The following TBC1D16 variants were observed in gnomAD, a reference collection of about 807,000 sequenced individuals.
TBC1D16 encodes the protein TBC1 domain family member 16.
A neutral mutation model predicts 74.7 loss-of-function variants in TBC1D16; 58 were observed. The ratio of observed to expected loss-of-function variants is 0.78; its 90% CI spans 0.63 to 0.97. The LOEUF is 0.97. Among genes scored for constraint, TBC1D16 ranks in the 50% least tolerant of loss-of-function variants. The pLI is 0.00. For synonymous variants in TBC1D16, 493 were observed against 474.7 expected, an observed-to-expected ratio of 1.04 and a Z score of -0.50; for missense variants, 1,014 against 1,079.5, an observed-to-expected ratio of 0.94 and a Z score of 0.85.
intron 3 of TBC1D16, among the ~76,000 whole-genome samples, chr17:80,003,843 A>C (rs1568627655): frequency 6.6e-6 from 1 of 152,162 alleles, no homozygotes. Context: ...TGAGCCTAGG[A>C]GTTTGAGACC....
rs9907717 is a variant in TBC1D16 at position 80,031,437 on chromosome 17, C to T, written c.-63+4358G>A. 6.2e-4 allele frequency among the ~76,000 whole-genome samples: 95 copies of T among 152,274 alleles called. 1 individual carries two copies. The highest frequency in any genetic ancestry group is 2.2e-3 in the African/African-American group (91 of 41,552). On this transcript the variant is annotated intron_variant, in intron 1 of 11. Transcript: ENST00000310924. ...AAACTAGGGCTTAGGGCATTCACTG[C>T]AGTGCTGGGATCTTGGACCATAGGG... is the stretch of plus-strand genomic sequence containing the variant.
Position 80,001,865 on chromosome 17 carries a change from C to T in TBC1D16, c.779+8295G>A, listed in dbSNP as rs2144600240. On this transcript the variant is annotated intron_variant, in intron 3 of 11. Transcript: ENST00000310924. This position sits in a 1 kb window ranked among gnomAD's most constrained non-coding sequence, Gnocchi z 5.8. ...CCCTCCACCCCCCGCCTCCTGCTCC[C>T]TTCCTCATCCCCTGCTTTGTGTCCC... 6.6e-6 allele frequency among the ~76,000 whole-genome samples: 1 copy of T among 152,022 alleles called. No homozygotes were observed. The highest frequency in any genetic ancestry group is 6.5e-5 in the Admixed American group (1 of 15,272).
At chr17:80,011,255 C>T (rs1454430902) in intron 2 of TBC1D16, among the ~76,000 whole-genome samples, 6 of 151,034 alleles carry the variant, frequency 4.0e-5, no homozygotes, top group Non-Finnish European at 8.8e-5. Context: ...CTATGTTGCC[C>T]AGGCTAGTCT....
chr17:80,029,429 C>T (rs1030584332), intron 1 of TBC1D16, among the ~76,000 whole-genome samples: 3 of 151,990 alleles, frequency 2.0e-5, no homozygotes, highest in South Asian at 2.1e-4. Flanking sequence ...GTTCCCTTCC[C>T]GTCCCCTAGG....
At chr17:79,974,455 C>G (rs1255993583) in intron 3 of TBC1D16, among the ~76,000 whole-genome samples, 1 of 152,100 alleles carries the variant, frequency 6.6e-6, no homozygotes, top group African/African-American at 2.4e-5. Flanking sequence ...CCAGGCTGGT[C>G]TCGAACTCCT....
In TBC1D16 at chr17:80,013,553, G is replaced by T; in HGVS notation, c.-6C>A. 1 of 1,494,062 alleles carries T rather than the reference G, an allele frequency of 6.7e-7. No homozygotes were observed. Among genetic ancestry groups the T allele is most frequent in the Non-Finnish European group, 8.9e-7 (1 of 1,119,768 alleles). The allele number at this position is 1,494,062 out of a possible 1,614,324, so 92.6% of individuals were successfully genotyped here. On this transcript the variant is annotated 5_prime_UTR_variant, in exon 2 of 12. Transcript: ENST00000310924. ...AGGAGGCGGCCCAGAGACATTGCCG[G>T]GCAAGTGTTTCCATCCTCCGCATGC... is the stretch of plus-strand genomic sequence containing the variant.
In TBC1D16 at chr17:79,987,098, C is replaced by T. The variant is rs1221305924; in HGVS notation, c.779+23062G>A. ...ACGGGCTGTGCCCAGTGTCGCTGCC[C>T]AAGGCAGAACTGGCTGCCCACCAGG... On this transcript the variant is annotated intron_variant, in intron 3 of 11. Transcript: ENST00000310924. The surrounding 1 kb of genome is among the most constrained non-coding windows in gnomAD (Gnocchi z 5.2). Among the ~76,000 whole-genome samples the T allele has an allele frequency of 6.6e-6, 1 of 152,156 alleles. No homozygotes were observed. The highest frequency in any genetic ancestry group is 1.5e-5 in the Non-Finnish European group (1 of 68,026).
rs968319769 is a variant in TBC1D16, at chr17:79,949,756, A to C, written c.1367T>G (p.Leu456Arg). The part of the protein sequence containing the change: ...STSEEREALR[L>R]QKRKEYSEIQ... ...CTCAGAGTACTCCTTTCGCTTCTGC[A>C]GCCGCAGCGCCTCCCGCTCCTCCGA... Residue 456 changes from leucine (L) to arginine (R), a missense_variant, in exon 7 of 12, where the codon CTG (leucine) becomes CGG (arginine). Leu to Arg is a moderately radical substitution (Grantham distance 102, BLOSUM62 -2). Coordinates refer to ENST00000310924, the MANE Select transcript of TBC1D16 (RefSeq NM_019020.4). The C allele has an allele frequency of 1.2e-6, 2 of 1,613,054 alleles. No homozygotes were observed. Among genetic ancestry groups the C allele is most frequent in the African/African-American group, 2.7e-5 (2 of 74,862 alleles).
rs1214429924 is a variant in TBC1D16, at chr17:79,985,238, C to G, written c.779+24922G>C. On this transcript the variant is annotated intron_variant, in intron 3 of 11. Coordinates refer to ENST00000310924, the MANE Select transcript of TBC1D16 (RefSeq NM_019020.4). The surrounding 1 kb of genome is among the most constrained non-coding windows in gnomAD (Gnocchi z 4.9). ...GCCCCTCCTGTGTCTGTGTGTCCGT[C>G]CGTGTCTTTTAAAGACATCCGTTGG... 6.6e-6 allele frequency among the ~76,000 whole-genome samples: 1 copy of G among 152,134 alleles called. No homozygotes were observed. Among genetic ancestry groups the G allele is most frequent in the Non-Finnish European group, 1.5e-5 (1 of 68,024 alleles).
chr17:80,002,758 G>A (rs1477829247), intron 3 of TBC1D16, among the ~76,000 whole-genome samples: 2 of 152,240 alleles, frequency 1.3e-5, no homozygotes, highest in African/African-American at 4.8e-5. Context: ...AAGTCCAGTT[G>A]CTTGGCCACA....
In TBC1D16 at chr17:79,968,838, G is replaced by A. The variant is rs552658553; in HGVS notation, c.780-16020C>T. Among the ~76,000 whole-genome samples, 44 of 71,302 alleles carry A rather than the reference G, an allele frequency of 6.2e-4. No homozygotes were observed. In the South Asian group the frequency reaches 8.7e-3, roughly 14 times the overall value. 46.8% of individuals were successfully genotyped at this position (71,302 alleles called of 152,430 possible). A position where few individuals can be genotyped will look rare whatever the true frequency, so the allele number is the denominator to read the frequency against. ...ACTGCACTCCACAGAGCCAGATGCC[G>A]TCTCAAAAAAAAAAAAAAAAAAAAA... On this transcript the variant is annotated intron_variant, in intron 3 of 11. Transcript: ENST00000310924.
chr17:79,937,263 TCA>T lies in TBC1D16; in HGVS notation c.*3594_*3595del, dbSNP rs1396420419. The stretch of plus-strand genomic sequence containing the variant: ...ACGAGGGGGCTCAGGGGGGCGGGCC[TCA>T]CAGGAACGGAAGCACCACCCCACCT... On this transcript the variant is annotated 3_prime_UTR_variant, in exon 12 of 12. Transcript: ENST00000310924. 1 of 75,338 alleles carries T rather than the reference TCA, an allele frequency of 1.3e-5. No individual in the cohort carries two copies. Among genetic ancestry groups the T allele is most frequent in the Non-Finnish European group, 3.2e-5 (1 of 30,938 alleles). 4.7% of individuals were successfully genotyped at this position (75,338 alleles called of 1,614,324 possible).
At chr17:80,028,978 A>G (rs1003015824) in intron 1 of TBC1D16, among the ~76,000 whole-genome samples, 2 of 152,158 alleles carry the variant, frequency 1.3e-5, no homozygotes, top group African/African-American at 4.8e-5. Context: ...TTTCTGCAAA[A>G]TAGGCCATTG....
chr17:80,024,172 C>G (rs2036400253), intron 1 of TBC1D16, among the ~76,000 whole-genome samples: 1 of 150,164 alleles, frequency 6.7e-6, no homozygotes, highest in African/African-American at 2.5e-5. Context: ...AGAGGCCCCA[C>G]TTCAGCCCAC....
chr17:79,945,153 A>C, intron 9 of TBC1D16, 66 bp from the exon 10 acceptor site: 2 of 1,470,996 alleles, frequency 1.4e-6, no homozygotes, highest in African/African-American at 1.4e-5. Flanking sequence ...CAGGAAGCCC[A>C]CTCCCACTGG....
chr17:79,968,306 G>A (rs796876425), intron 3 of TBC1D16, among the ~76,000 whole-genome samples: 10 of 152,290 alleles, frequency 6.6e-5, no homozygotes, highest in African/African-American at 1.2e-4. Flanking sequence ...GCACCCAACC[G>A]GGTGAAAGAA....
rs112819730 is a variant in TBC1D16, at chr17:79,998,078, T to C, written c.779+12082A>G. Among the ~76,000 whole-genome samples, 241 of 148,718 alleles carry C rather than the reference T, an allele frequency of 1.6e-3. 2 individuals are homozygous for C. Among genetic ancestry groups the C allele is most frequent in the Admixed American group, 4.2e-3 (62 of 14,906 alleles). On this transcript the variant is annotated intron_variant, in intron 3 of 11. Coordinates refer to ENST00000310924, the MANE Select transcript of TBC1D16 (RefSeq NM_019020.4). ...AGGTGGAGGTTGCAGTGAGCTAAGATTGTGCCATTGCACTTCAGCTTGGGC... is the reference window on the plus strand; with the variant it reads ...AGGTGGAGGTTGCAGTGAGCTAAGACTGTGCCATTGCACTTCAGCTTGGGC...
Position 79,950,665 on chromosome 17 carries a change from T to C in TBC1D16, c.1090-87A>G. 1 of 1,553,012 alleles carries C rather than the reference T, an allele frequency of 6.4e-7. No homozygotes were observed. The highest frequency in any genetic ancestry group is 8.7e-7 in the Non-Finnish European group (1 of 1,145,968). Reference sequence around the variant, plus strand: ...AGTGCTTTTCCCAGGAATAAAAGCCTCTCTCTCTTCTGAAAGGAGGGCAAG... The same window carrying C: ...AGTGCTTTTCCCAGGAATAAAAGCCCCTCTCTCTTCTGAAAGGAGGGCAAG... On this transcript the variant is annotated intron_variant, in intron 5 of 11. Coordinates refer to ENST00000310924, the MANE Select transcript of TBC1D16 (RefSeq NM_019020.4). This position sits in a 1 kb window ranked among gnomAD's most constrained non-coding sequence, Gnocchi z 4.6.
At chr17:79,951,010 T>C (rs2033011108) in intron 5 of TBC1D16, among the ~76,000 whole-genome samples, 1 of 152,168 alleles carries the variant, frequency 6.6e-6, no homozygotes, top group African/African-American at 2.4e-5. Context: ...AAACTGCAGC[T>C]GACATTTAAT....
Sources: gnomAD v4.1 joint callset for allele counts (sites outside exome capture counted in the v4.1 genomes callset) on GRCh38, gnomAD v4.1.1 for gene constraint, Gnocchi (gnomAD v3.1) non-coding constraint, MANE v1.5 for transcripts, NCBI Gene and HGNC (gene_info 2026-07-23, HGNC 2026-07-21) for gene names.